Variants in NTM observed in about 807,000 individuals in gnomAD.
NTM encodes neurotrimin.
Under a neutral mutation model 42.1 loss-of-function variants are expected in NTM, and 13 were observed. The ratio of observed to expected loss-of-function variants is 0.31; its 90% confidence interval spans 0.20 to 0.49. NTM has a LOEUF of 0.49. Among genes scored for constraint, NTM ranks in the 20% least tolerant of loss-of-function variants. The pLI, the probability that NTM is intolerant of heterozygous loss-of-function variation, is 0.99. For synonymous variants in NTM, 187 were observed against 179.2 expected (o/e 1.04, Z -0.35); for missense variants, 373 against 452.8 (o/e 0.82, Z 1.60).
chr11:131,866,490 C>T (rs922199703), intron 1 of NTM, among the ~76,000 whole-genome samples: 6 of 152,256 alleles, frequency 3.9e-5, no homozygotes, highest in Non-Finnish European at 7.3e-5. Context: ...TTGGCCATGC[C>T]TTCAGAGCTC....
chr11:131,542,984 A>G (rs2053479048), intron 1 of NTM, among the ~76,000 whole-genome samples: 1 of 152,200 alleles, frequency 6.6e-6, no homozygotes, highest in Non-Finnish European at 1.5e-5. Flanking sequence ...CCTGGAGAAC[A>G]TGTCCCTGGT....
At chr11:131,375,650 A>G (rs773295406) in intron 1 of NTM, among the ~76,000 whole-genome samples, 2 of 152,074 alleles carry the variant, frequency 1.3e-5, no homozygotes, top group Non-Finnish European at 2.9e-5. Flanking sequence ...GGAGAGGGGG[A>G]GCACTAGGGA....
chr11:131,470,998 G>A (rs2136176853), intron 1 of NTM, among the ~76,000 whole-genome samples: 1 of 152,274 alleles, frequency 6.6e-6, no homozygotes, highest in Middle Eastern at 3.4e-3. Flanking sequence ...AAACTTGACA[G>A]GAAACCTTCC....
At chr11:131,929,534 A>G (rs116575418) in intron 2 of NTM, among the ~76,000 whole-genome samples, 3,559 of 150,684 alleles carry the variant, frequency 0.024, 103 homozygotes, top group African/African-American at 0.07. Context: ...CAAAGGCTGT[A>G]TTTTCTTTGC....
chr11:131,629,766 A>G (rs2063477938), intron 1 of NTM, among the ~76,000 whole-genome samples: 2 of 152,228 alleles, frequency 1.3e-5, no homozygotes, highest in South Asian at 4.1e-4. Flanking sequence ...TGTAAGGGTA[A>G]AGGACTCAAA....
At chr11:131,842,123 T>C (rs2044337330) in intron 1 of NTM, among the ~76,000 whole-genome samples, 1 of 152,144 alleles carries the variant, frequency 6.6e-6, no homozygotes, top group Non-Finnish European at 1.5e-5. Flanking sequence ...TTAGAGGAGC[T>C]CCTTTACAGA....
intron 1 of NTM, among the ~76,000 whole-genome samples, chr11:131,549,828 G>T (rs536246413): frequency 1.3e-5 from 2 of 152,328 alleles, no homozygotes; most frequent in South Asian, 2.1e-4. Flanking sequence ...ATTAAATTCT[G>T]CCCCAAAGAT....
At chr11:131,691,896 C>T (rs76249979) in intron 1 of NTM, among the ~76,000 whole-genome samples, 6,498 of 152,292 alleles carry the variant, frequency 0.043, 479 homozygotes, top group African/African-American at 0.15. Context: ...AGGTAAATAT[C>T]GTTAGCTTTT....
chr11:131,400,139 G>T (rs1400362194), intron 1 of NTM, among the ~76,000 whole-genome samples: 1 of 152,034 alleles, frequency 6.6e-6, no homozygotes, highest in African/African-American at 2.4e-5. Flanking sequence ...AGGAAGCCGA[G>T]AAGGGCCCCA....
chr11:131,725,562 G>A (rs1235232170), intron 1 of NTM, among the ~76,000 whole-genome samples: 2 of 152,144 alleles, frequency 1.3e-5, no homozygotes, highest in East Asian at 3.9e-4. Flanking sequence ...CCCCAAAAAG[G>A]TGTTGAGTTA....
intron 3 of NTM, among the ~76,000 whole-genome samples, chr11:132,157,686 T>G (rs534833784): frequency 1.1e-4 from 17 of 152,308 alleles, no homozygotes; most frequent in African/African-American, 3.8e-4. Flanking sequence ...TTCTCCACTA[T>G]GTGTCTCATA....
chr11:132,314,527 C>CT (rs753087936), intron 6 of NTM, 25 bp from the exon 7 acceptor site: 21 of 1,595,640 alleles, frequency 1.3e-5, no homozygotes, highest in East Asian at 2.2e-5. Flanking sequence ...TTGTTTTCTT[C>CT]TTTTTTGTCT....
At chr11:132,021,719 T>G in intron 2 of NTM, among the ~76,000 whole-genome samples, 1 of 152,196 alleles carries the variant, frequency 6.6e-6, no homozygotes, top group Admixed American at 6.5e-5. Context: ...CAGGACTGAG[T>G]TGACATCCAA....
intron 2 of NTM, among the ~76,000 whole-genome samples, chr11:132,058,419 T>G (rs2080071684): frequency 6.6e-6 from 1 of 152,220 alleles, no homozygotes; most frequent in Admixed American, 6.5e-5. Flanking sequence ...GTCTCCTTCC[T>G]AGCCTTAAGC....
chr11:131,794,093 G>A (rs1415991945), intron 1 of NTM, among the ~76,000 whole-genome samples: 1 of 152,180 alleles, frequency 6.6e-6, no homozygotes, highest in Non-Finnish European at 1.5e-5. Context: ...GGTTCTCCAG[G>A]CAGGGACATG....
intron 1 of NTM, among the ~76,000 whole-genome samples, chr11:131,852,900 A>G (rs1592282858): frequency 6.9e-6 from 1 of 145,898 alleles, no homozygotes; most frequent in Non-Finnish European, 1.5e-5. Context: ...CCATCCACCC[A>G]CCCATCCATC....
chr11:131,452,753 C>T (rs1950575468), intron 1 of NTM, among the ~76,000 whole-genome samples: 1 of 152,198 alleles, frequency 6.6e-6, no homozygotes, highest in Non-Finnish European at 1.5e-5. Context: ...AGAGCTCCTG[C>T]ACCCTTCTCC....
intron 2 of NTM, among the ~76,000 whole-genome samples, chr11:132,054,311 T>C (rs1325482041): frequency 6.7e-6 from 1 of 148,584 alleles, no homozygotes; most frequent in Non-Finnish European, 1.5e-5. Context: ...AGCCAAGCTG[T>C]GTGGACTCCA....
rs1345071437 is a variant in NTM, at chr11:132,132,336, G to A, written c.168-13946G>A. On this transcript the variant is annotated intron_variant, in intron 2 of 8. Coordinates refer to ENST00000683400, the MANE Select transcript of NTM (RefSeq NM_001352005.2). ...GGTCTATTTCTTTCTGTATCCGTCC[G>A]GTGTTTGTCATTCAATTGCCTGTGC... Among the ~76,000 whole-genome samples, 9 of 152,290 alleles carry A rather than the reference G, an allele frequency of 5.9e-5. No homozygotes were observed. In the East Asian group the frequency reaches 1.2e-3, roughly 20 times the overall value.
Sources: allele counts gnomAD v4.1 joint callset (sites outside exome capture counted in the v4.1 genomes callset), GRCh38; gene constraint gnomAD v4.1.1; transcripts MANE v1.5; gene names NCBI Gene and HGNC (gene_info 2026-07-23, HGNC 2026-07-21).